The following TATDN1 variants were observed in gnomAD, a reference collection of about 807,000 sequenced individuals.
TATDN1 encodes the protein deoxyribonuclease TATDN1.
A neutral mutation model predicts 46.4 loss-of-function variants in TATDN1; 40 were observed. That is an observed-to-expected ratio of 0.86 (90% CI 0.67 to 1.12). The LOEUF (loss-of-function observed/expected upper bound fraction) is 1.12, where lower values mean the gene tolerates loss of function less well. Among genes scored for constraint, TATDN1 ranks in the 50% most tolerant of loss-of-function variants. The probability of loss-of-function intolerance (pLI) is 0.00; values close to 1 mark genes in which losing one functional copy is unlikely to be tolerated. For synonymous variants in TATDN1, 95 were observed against 105.6 expected (o/e 0.90, Z 0.62); for missense variants, 326 against 348.4 (o/e 0.94, Z 0.51).
At chr8:124,496,920 A>G (rs1817512728) in intron 9 of TATDN1, among the ~76,000 whole-genome samples, 1 of 152,186 alleles carries the variant, frequency 6.6e-6, no homozygotes, top group South Asian at 2.1e-4. Context: ...GAAATTCCAG[A>G]TGGACAGTTT....
chr8:124,500,630 T>C (rs748736857), intron 9 of TATDN1, among the ~76,000 whole-genome samples: 9 of 150,272 alleles, frequency 6.0e-5, no homozygotes, highest in Non-Finnish European at 1.2e-4. Context: ...GCCCAGGAGG[T>C]CGGGGCTACA....
chr8:124,519,778 G>A (rs1819867455), intron 3 of TATDN1, among the ~76,000 whole-genome samples: 1 of 152,158 alleles, frequency 6.6e-6, no homozygotes, highest in Non-Finnish European at 1.5e-5. Flanking sequence ...GCATACTTCT[G>A]CATAGACCCA....
intron 3 of TATDN1, among the ~76,000 whole-genome samples, chr8:124,521,155 C>T (rs973581083): frequency 2.0e-5 from 3 of 152,074 alleles, no homozygotes; most frequent in African/African-American, 7.2e-5. Context: ...AGATAAAAGA[C>T]TCCAGGTTAT....
At chr8:124,522,783 G>A (rs570529921) in intron 2 of TATDN1, among the ~76,000 whole-genome samples, 154 bp downstream of exon 2, 1 of 152,270 alleles carries the variant, frequency 6.6e-6, no homozygotes, top group Non-Finnish European at 1.5e-5. Flanking sequence ...TTGAACTCCT[G>A]AGCTCAGGCA....
intron 1 of TATDN1, among the ~76,000 whole-genome samples, chr8:124,525,722 T>C (rs1820429893): frequency 6.6e-6 from 1 of 152,238 alleles, no homozygotes; most frequent in Non-Finnish European, 1.5e-5. Context: ...GCTTTAGCCA[T>C]ACTGTCATAC....
rs1329625404 is a variant in TATDN1 at position 124,536,113 on chromosome 8, C to T, written c.22+2912G>A. On this transcript the variant is annotated intron_variant, in intron 1 of 11. Transcript: ENST00000276692. The stretch of plus-strand genomic sequence containing the variant: ...CAGATATTTCTCATTTTTTGGTGTA[C>T]TATGTAGTCTAAGATCAATGCAGTA... Among the ~76,000 whole-genome samples, 5 of 152,120 alleles carry T rather than the reference C, an allele frequency of 3.3e-5. No homozygotes were observed. In the East Asian group the frequency reaches 9.7e-4, roughly 29 times the overall value.
intron 1 of TATDN1, among the ~76,000 whole-genome samples, chr8:124,524,079 A>T (rs1443083725): frequency 1.3e-5 from 2 of 152,198 alleles, no homozygotes; most frequent in Non-Finnish European, 2.9e-5. Context: ...GACTCCCTAC[A>T]TTATTTCTGC....
intron 2 of TATDN1, 118 bp downstream of exon 2, chr8:124,522,819 T>C: frequency 1.2e-6 from 1 of 856,288 alleles, no homozygotes; most frequent in East Asian, 2.4e-5. Context: ...ACTCCCAAAG[T>C]GCTGAGATTA....
In TATDN1 at chr8:124,532,083, G is replaced by T. The variant is rs533603107; in HGVS notation, c.22+6942C>A. ...GAGCAAGGAAGAAGGAAGAGCAAGG[G>T]GGGGAGGAGGAGGAGGAGGAGGAGG... is the stretch of plus-strand genomic sequence containing the variant. On this transcript the variant is annotated intron_variant, in intron 1 of 11. Coordinates refer to ENST00000276692, the MANE Select transcript of TATDN1 (RefSeq NM_032026.4). 6.6e-5 allele frequency among the ~76,000 whole-genome samples: 10 copies of T among 152,154 alleles called. No homozygotes were observed. The South Asian group carries it at 8.3e-4, about 13-fold the overall frequency.
chr8:124,531,374 C>T lies in TATDN1; in HGVS notation c.22+7651G>A, dbSNP rs537446798. Among the ~76,000 whole-genome samples, 20 of 152,252 alleles carry T rather than the reference C, an allele frequency of 1.3e-4. No individual in the cohort carries two copies. In the South Asian group the frequency reaches 3.9e-3, roughly 30 times the overall value. On this transcript the variant is annotated intron_variant, in intron 1 of 11. Transcript: ENST00000276692. ...TAAGTTTCTGTAACTTTCGCCAGCT[C>T]GCTTTCAATGATCCCATTAGACTGT...
intron 8 of TATDN1, among the ~76,000 whole-genome samples, chr8:124,507,487 TG>T (rs1156555856): frequency 1.3e-5 from 2 of 152,238 alleles, no homozygotes; most frequent in East Asian, 3.9e-4. Context: ...CATTAGGATG[TG>T]TAGAATTCAA....
chr8:124,506,933 G>C (rs914035695), intron 8 of TATDN1, among the ~76,000 whole-genome samples: 3 of 152,048 alleles, frequency 2.0e-5, no homozygotes, highest in Non-Finnish European at 2.9e-5. Flanking sequence ...GAGGCTGATG[G>C]GGGGAGGATC....
At chr8:124,493,666 A>T in intron 11 of TATDN1, 167 bp downstream of exon 11, 1 of 669,584 alleles carries the variant, frequency 1.5e-6, no homozygotes, top group Non-Finnish European at 2.4e-6. Context: ...AATGGAACTT[A>T]AACCAGGTAT....
At position 124,495,466 on chromosome 8, in the gene TATDN1, A is replaced by C. The variant is rs1246384834; in HGVS notation, c.664+6T>G. Reference sequence around the variant, plus strand: ...ATATGAAACAAAGTTCTGAAAACAAACTTACCTGTCTCAATCATTAATTTT... The same window carrying C: ...ATATGAAACAAAGTTCTGAAAACAACCTTACCTGTCTCAATCATTAATTTT... On this transcript the variant is annotated splice_donor_region_variant and intron_variant, in intron 10 of 11. Coordinates refer to ENST00000276692, the MANE Select transcript of TATDN1 (RefSeq NM_032026.4). 1 of 1,601,028 alleles carries C rather than the reference A, an allele frequency of 6.2e-7. No homozygotes were observed. The highest frequency in any genetic ancestry group is 8.5e-7 in the Non-Finnish European group (1 of 1,174,794).
At chr8:124,522,291 T>G in intron 2 of TATDN1, 91 bp from the exon 3 acceptor site, 1 of 772,616 alleles carries the variant, frequency 1.3e-6, no homozygotes, top group South Asian at 1.5e-5. Flanking sequence ...ATTTGAAGTT[T>G]TATATTTGAA....
chr8:124,515,860 A>G, intron 5 of TATDN1, 27 bp downstream of exon 5: 1 of 1,613,472 alleles, frequency 6.2e-7, no homozygotes, highest in South Asian at 1.1e-5. Flanking sequence ...AAACAATGTC[A>G]CTCTAAGAGG....
intron 1 of TATDN1, among the ~76,000 whole-genome samples, chr8:124,524,630 T>C (rs1331532706): frequency 1.3e-5 from 2 of 152,218 alleles, no homozygotes; most frequent in African/African-American, 2.4e-5. Flanking sequence ...CAAACAATTA[T>C]TCATAACACT....
intron 9 of TATDN1, among the ~76,000 whole-genome samples, chr8:124,497,404 GCC>G (rs1315810951): frequency 2.2e-4 from 33 of 151,752 alleles, no homozygotes; most frequent in African/African-American, 7.7e-4. Context: ...TCCTGCCTCA[GCC>G]TCCCAAGTAG....
intron 1 of TATDN1, among the ~76,000 whole-genome samples, chr8:124,538,755 G>C (rs1821726492): frequency 6.6e-6 from 1 of 152,150 alleles, no homozygotes; most frequent in Non-Finnish European, 1.5e-5. Context: ...TTAAAAAACT[G>C]AATACATTAC....
Sources: gnomAD v4.1 joint callset for allele counts (sites outside exome capture counted in the v4.1 genomes callset) on GRCh38, gnomAD v4.1.1 for gene constraint, MANE v1.5 for transcripts, NCBI Gene and HGNC (gene_info 2026-07-23, HGNC 2026-07-21) for gene names.